Variants in GRID2 observed in about 807,000 individuals in gnomAD.
GRID2 encodes glutamate ionotropic receptor delta type subunit 2, also known as glutamate receptor ionotropic, delta-2.
In GRID2, 33 loss-of-function variants were observed where a neutral mutation model predicts 114.8. The observed-to-expected ratio is 0.29, with a 90% CI of 0.22 to 0.38. GRID2 has a LOEUF of 0.38. Among genes scored for constraint, GRID2 ranks in the 10% least tolerant of loss-of-function variants. The probability of loss-of-function intolerance (pLI) is 1.00; values close to 1 mark genes in which losing one functional copy is unlikely to be tolerated. For synonymous variants in GRID2, 505 were observed against 449.9 expected, an observed-to-expected ratio of 1.12 and a Z score of -1.55; for missense variants, 1,184 against 1,257.7, an observed-to-expected ratio of 0.94 and a Z score of 0.89.
chr4:93,787,376 A>G (rs1391610392), intron 1 of GRID2, among the ~76,000 whole-genome samples: 1 of 152,178 alleles, frequency 6.6e-6, no homozygotes, highest in African/African-American at 2.4e-5. Flanking sequence ...TAAAAAGCAC[A>G]TTGGGAGAAA....
Position 93,638,298 on chromosome 4 carries a change from C to T in GRID2, c.2360+11863C>T, listed in dbSNP as rs549232541. Among the ~76,000 whole-genome samples, 18 of 86,608 alleles carry T rather than the reference C, an allele frequency of 2.1e-4. 1 individual carries two copies. The East Asian group carries it at 4.0e-3, about 19-fold the overall frequency. 56.8% of individuals were successfully genotyped at this position (86,608 alleles called of 152,430 possible). On this transcript the variant is annotated intron_variant, in intron 14 of 15. Transcript: ENST00000282020. ...CCTAAGAAAACATATTTAAAACTTG[C>T]ATCTTTTTTTTTTTTTTTTTTAATT...
chr4:93,264,004 C>T (rs1750533487), intron 8 of GRID2, among the ~76,000 whole-genome samples: 1 of 152,114 alleles, frequency 6.6e-6, no homozygotes. Flanking sequence ...TTGAAATTAT[C>T]ATCTGATCTC....
chr4:93,680,671 CA>C (rs373356294), intron 14 of GRID2, among the ~76,000 whole-genome samples: 49,827 of 150,524 alleles, frequency 0.33, 8,402 homozygotes, highest in East Asian at 0.58. Flanking sequence ...GAACCAAAGA[CA>C]AAAACCACAT....
chr4:92,525,812 G>A (rs1253511610), intron 1 of GRID2, among the ~76,000 whole-genome samples: 1 of 152,064 alleles, frequency 6.6e-6, no homozygotes. Context: ...ATGGCACAGT[G>A]GAAAGTTTTG....
rs565637118 is a variant in GRID2, at chr4:93,411,578, G to A, written c.1348-11193G>A. Among the ~76,000 whole-genome samples the A allele has an allele frequency of 2.6e-5, 4 of 151,874 alleles. No homozygotes were observed. In the South Asian group the frequency reaches 8.3e-4, roughly 32 times the overall value. On this transcript the variant is annotated intron_variant, in intron 9 of 15. Transcript: ENST00000282020. ...GCCTCCAGAGTAGCTGGGACTACAG[G>A]TGCATGCCACTACACCTGGCTAATT...
intron 2 of GRID2, among the ~76,000 whole-genome samples, chr4:92,731,224 A>G (rs1047097114): frequency 9.8e-5 from 14 of 142,962 alleles, no homozygotes; most frequent in African/African-American, 3.4e-4. Flanking sequence ...ATTTTAGACA[A>G]TAAGTGATTT....
intron 14 of GRID2, among the ~76,000 whole-genome samples, chr4:93,659,810 G>A (rs992376955): frequency 7.9e-5 from 12 of 151,298 alleles, no homozygotes; most frequent in Admixed American, 4.6e-4. Context: ...ACTGAAGATG[G>A]GAGACCTAGT....
At chr4:92,502,101 T>C (rs548414296) in intron 1 of GRID2, among the ~76,000 whole-genome samples, 1 of 152,266 alleles carries the variant, frequency 6.6e-6, no homozygotes, top group South Asian at 2.1e-4. Flanking sequence ...TTAATTAGTA[T>C]TCCTTTTAAA....
chr4:92,377,243 T>G (rs1180600093), intron 1 of GRID2, among the ~76,000 whole-genome samples: 1 of 152,066 alleles, frequency 6.6e-6, no homozygotes, highest in African/African-American at 2.4e-5. Context: ...CCCAAAATCA[T>G]CTCTCTCAAG....
intron 14 of GRID2, among the ~76,000 whole-genome samples, chr4:93,743,391 C>G (rs1038723101): frequency 3.9e-5 from 6 of 152,220 alleles, no homozygotes; most frequent in Non-Finnish European, 8.8e-5. Context: ...GGTGGCTACA[C>G]TAAACAACAG....
chr4:93,713,312 T>C (rs1433067338), intron 14 of GRID2, among the ~76,000 whole-genome samples: 1 of 152,192 alleles, frequency 6.6e-6, no homozygotes, highest in Non-Finnish European at 1.5e-5. Flanking sequence ...GTTTTTGACA[T>C]TTTAAAGTCT....
At chr4:93,128,914 A>G (rs1033778519) in intron 4 of GRID2, among the ~76,000 whole-genome samples, 1 of 152,300 alleles carries the variant, frequency 6.6e-6, no homozygotes, top group South Asian at 2.1e-4. Context: ...CTGTTTTGGG[A>G]ATTGCAAACC....
rs559548383 is a variant in GRID2 at position 92,355,869 on chromosome 4, C to T, written c.88+51125C>T. Among the ~76,000 whole-genome samples, 139 of 151,856 alleles carry T rather than the reference C, an allele frequency of 9.2e-4. 1 individual carries two copies. Among genetic ancestry groups the T allele is most frequent in the African/African-American group, 3.1e-3 (130 of 41,502 alleles). ...TATTTCAACTTGTTTTCACAAACTT[C>T]TCATTCAGCCCTATAGCCATGCCAG... On this transcript the variant is annotated intron_variant, in intron 1 of 15. Transcript: ENST00000282020.
intron 4 of GRID2, among the ~76,000 whole-genome samples, chr4:93,195,630 G>A (rs1214880502): frequency 6.6e-6 from 1 of 152,166 alleles, no homozygotes; most frequent in African/African-American, 2.4e-5. Flanking sequence ...ACTGCCTTGA[G>A]AATGGAAGAA....
At chr4:93,244,588 T>TCC in intron 8 of GRID2, among the ~76,000 whole-genome samples, 3 of 33,294 alleles carry the variant, frequency 9.0e-5, no homozygotes, top group African/African-American at 2.5e-4. Context: ...ATAGATTATA[T>TCC]AATCTATTAT....
intron 2 of GRID2, among the ~76,000 whole-genome samples, chr4:92,676,336 C>T (rs1011524065): frequency 6.6e-6 from 1 of 151,844 alleles, no homozygotes; most frequent in Admixed American, 6.6e-5. Flanking sequence ...CCCACCACAA[C>T]GCCCGGCTAA....
chr4:93,212,631 C>T (rs1230177754), intron 5 of GRID2, among the ~76,000 whole-genome samples: 5 of 152,056 alleles, frequency 3.3e-5, no homozygotes, highest in Non-Finnish European at 7.4e-5. Context: ...CTTCTATTGC[C>T]TGATAATATC....
At chr4:92,838,726 T>C (rs1434319996) in intron 2 of GRID2, 1 of 152,068 alleles carries the variant, frequency 6.6e-6, no homozygotes, top group East Asian at 1.9e-4. Flanking sequence ...ACTGTTACTG[T>C]CTATATGAAG....
intron 2 of GRID2, among the ~76,000 whole-genome samples, chr4:92,669,688 G>C (rs1340201640): frequency 6.6e-6 from 1 of 151,880 alleles, no homozygotes; most frequent in African/African-American, 2.4e-5. Flanking sequence ...CTTTCCTTTA[G>C]ATTTTCTTGA....
Sources: allele counts gnomAD v4.1 joint callset (sites outside exome capture counted in the v4.1 genomes callset), GRCh38; gene constraint gnomAD v4.1.1; transcripts MANE v1.5; gene names NCBI Gene and HGNC (gene_info 2026-07-23, HGNC 2026-07-21).